WHRN: variants seen among roughly 807,000 people sequenced by gnomAD.
WHRN encodes the protein whirlin.
Under a neutral mutation model 68.3 loss-of-function variants are expected in WHRN, and 41 were observed. The observed-to-expected ratio is 0.60, with a 90% CI of 0.47 to 0.78. The LOEUF (loss-of-function observed/expected upper bound fraction) is 0.78, where lower values mean the gene tolerates loss of function less well. WHRN is among the 30% of genes least tolerant of loss of function. The probability of loss-of-function intolerance (pLI) is 0.00; values close to 1 mark genes in which losing one functional copy is unlikely to be tolerated. For missense variants in WHRN, 1,243 were observed against 1,244.7 expected (o/e 1.00, Z 0.02); for synonymous variants, 560 against 561.3 (o/e 1.00, Z 0.03).
At position 114,403,943 on chromosome 9, in the gene WHRN, T is replaced by G; in HGVS notation, c.2371A>C (p.Lys791Gln). 1 of 1,611,378 alleles carries G rather than the reference T, an allele frequency of 6.2e-7. No individual in the cohort carries two copies. Among genetic ancestry groups the G allele is most frequent in the Non-Finnish European group, 8.5e-7 (1 of 1,180,008 alleles). Residue 791 changes from lysine to glutamine, a missense_variant, in exon 10 of 12, where the codon AAG becomes CAG. Transcript: ENST00000362057. ...QSVSTKSRSS[K>Q]ELPRNERPTD... Reference sequence around the variant, plus strand: ...GGCCTCTCGTTCCGAGGCAGCTCCTTGCTACTCCTGCTCTTGGTGGACACC... The same window carrying G: ...GGCCTCTCGTTCCGAGGCAGCTCCTGGCTACTCCTGCTCTTGGTGGACACC...
At chr9:114,424,058 C>A (rs1218439094) in intron 6 of WHRN, among the ~76,000 whole-genome samples, 1 of 152,196 alleles carries the variant, frequency 6.6e-6, no homozygotes, top group Non-Finnish European at 1.5e-5. Flanking sequence ...TGGAATGGGG[C>A]CCGAGCACTG....
intron 5 of WHRN, 38 bp downstream of exon 5, chr9:114,424,950 G>A (rs201700826): frequency 1.2e-5 from 20 of 1,609,452 alleles, no homozygotes; most frequent in Admixed American, 1.0e-4. Flanking sequence ...TCAGGGAGCT[G>A]TGAGGAAGCA....
rs376376335 is a variant in WHRN at position 114,504,634 on chromosome 9, C to T, written c.168G>A (p.Glu56=). 6 of 1,608,494 alleles carry T rather than the reference C, an allele frequency of 3.7e-6. No homozygotes were observed. In the Admixed American group the frequency reaches 5.0e-5, roughly 13 times the overall value. The change falls in exon 1 of 12, where the codon GAG becomes GAA. Residue 56 remains glutamate (E), a synonymous_variant. Transcript: ENST00000362057. ...LTALLSEAER[E]QFTHCLNAYH... is the part of the protein sequence containing the mutation. ...AAGCGTTCAGGCAGTGGGTGAACTG[C>T]TCCCGCTCCGCCTCGCTCAGCAGCG...
intron 3 of WHRN, among the ~76,000 whole-genome samples, chr9:114,427,871 A>G (rs1837021371): frequency 6.6e-6 from 1 of 152,152 alleles, no homozygotes; most frequent in African/African-American, 2.4e-5. Context: ...ATTTACTGCA[A>G]TGCCTACTGT....
intron 2 of WHRN, among the ~76,000 whole-genome samples, chr9:114,469,551 T>C (rs1441825202): frequency 3.3e-5 from 5 of 152,180 alleles, no homozygotes; most frequent in Admixed American, 6.5e-5. Flanking sequence ...CTGTGGCTAG[T>C]GGCTGATGGC....
chr9:114,403,389 T>C (rs1834807406), intron 10 of WHRN, 50 bp from the exon 11 acceptor site: 13 of 1,612,374 alleles, frequency 8.1e-6, no homozygotes, highest in Admixed American at 6.7e-5. Flanking sequence ...TTGGCAGGCC[T>C]GGCCAGGGGG....
chr9:114,420,020 G>A (rs1015506169), intron 7 of WHRN, among the ~76,000 whole-genome samples: 5 of 152,164 alleles, frequency 3.3e-5, no homozygotes, highest in African/African-American at 7.2e-5. Context: ...AGTCCCCACC[G>A]GCAGGAAGGA....
intron 3 of WHRN, among the ~76,000 whole-genome samples, chr9:114,427,728 T>C (rs945521726): frequency 2.0e-5 from 3 of 152,138 alleles, no homozygotes; most frequent in Non-Finnish European, 4.4e-5. Context: ...GTTTCCAGTA[T>C]AGAAAGTGGT....
At chr9:114,471,907 GGCAGGTGCAGTGGCTGCCATCTT>G (rs2133047966) in intron 2 of WHRN, among the ~76,000 whole-genome samples, 1 of 152,328 alleles carries the variant, frequency 6.6e-6, no homozygotes, top group Non-Finnish European at 1.5e-5. Context: ...AGGCTGTGAT[GGCAGGTGCAGTGGCTGCCATCTT>G]GCAGCTGTGA....
At chr9:114,482,532 G>A (rs909630932) in intron 1 of WHRN, among the ~76,000 whole-genome samples, 16 of 152,100 alleles carry the variant, frequency 1.1e-4, no homozygotes, top group African/African-American at 3.9e-4. Flanking sequence ...CCAGGGCACC[G>A]TGGGTTAAAT....
At chr9:114,440,771 C>T (rs1194096584) in intron 3 of WHRN, among the ~76,000 whole-genome samples, 5 of 152,162 alleles carry the variant, frequency 3.3e-5, no homozygotes, top group African/African-American at 1.2e-4. Flanking sequence ...CGCCGTGTGC[C>T]GCTCATCATC....
chr9:114,463,994 G>C (rs1050829402), intron 3 of WHRN, among the ~76,000 whole-genome samples: 4 of 152,162 alleles, frequency 2.6e-5, no homozygotes, highest in African/African-American at 9.7e-5. Context: ...GCTCACCAAA[G>C]GGTAAATGCT....
chr9:114,435,647 G>A (rs1187360321), intron 3 of WHRN, among the ~76,000 whole-genome samples: 3 of 152,186 alleles, frequency 2.0e-5, no homozygotes, highest in Admixed American at 6.5e-5. Flanking sequence ...GGGCAGTTGG[G>A]GCAAAGCTGG....
intron 2 of WHRN, among the ~76,000 whole-genome samples, chr9:114,475,196 C>A (rs1412574543): frequency 6.6e-6 from 1 of 152,110 alleles, no homozygotes; most frequent in Non-Finnish European, 1.5e-5. Context: ...AGGTTTGAAC[C>A]CAGGCAGCCT....
intron 3 of WHRN, among the ~76,000 whole-genome samples, chr9:114,453,588 T>G (rs1839520445): frequency 6.6e-6 from 1 of 152,070 alleles, no homozygotes; most frequent in Non-Finnish European, 1.5e-5. Context: ...TAAAAAAAAC[T>G]CACATAATAA....
At chr9:114,486,941 T>TTG (rs1347597157) in intron 1 of WHRN, among the ~76,000 whole-genome samples, 431 of 5,332 alleles carry the variant, frequency 0.081, 8 homozygotes, top group African/African-American at 0.11. Context: ...TGTGTGTGTG[T>TTG]TGTGTGTGTG....
At chr9:114,407,817 C>G (rs1455576076) in intron 8 of WHRN, 130 bp downstream of exon 8, 1 of 758,350 alleles carries the variant, frequency 1.3e-6, no homozygotes, top group African/African-American at 1.7e-5. Flanking sequence ...GGTGTGAGAG[C>G]TCATGGCAGA....
chr9:114,505,009 C>T lies in WHRN; in HGVS notation c.-208G>A. 2 of 657,974 alleles carry T rather than the reference C, an allele frequency of 3.0e-6. No homozygotes were observed. Among genetic ancestry groups the T allele is most frequent in the Non-Finnish European group, 4.4e-6 (2 of 456,076 alleles). 40.8% of individuals were successfully genotyped at this position (657,974 alleles called of 1,614,324 possible). A position where few individuals can be genotyped will look rare whatever the true frequency, so the allele number is the denominator to read the frequency against. ...CCGGAGGCGCGAAGACGGCGGGGGT[C>T]GCGAACCTGGAATCCGGGGGACGCG... On this transcript the variant is annotated 5_prime_UTR_variant, in exon 1 of 12. Transcript: ENST00000362057.
intron 4 of WHRN, 63 bp downstream of exon 4, chr9:114,426,148 C>T (rs1836832442): frequency 1.1e-5 from 17 of 1,605,868 alleles, no homozygotes; most frequent in Middle Eastern, 2.2e-4. Flanking sequence ...TGGGAGGCAG[C>T]TATCACTGGC....
Sources: allele counts gnomAD v4.1 joint callset (sites outside exome capture counted in the v4.1 genomes callset), GRCh38; gene constraint gnomAD v4.1.1; transcripts MANE v1.5; gene names NCBI Gene and HGNC (gene_info 2026-07-23, HGNC 2026-07-21).